RANBP2: variants seen among roughly 807,000 people sequenced by gnomAD.
RANBP2 encodes the protein RAN binding protein 2, also known as E3 SUMO-protein ligase RanBP2.
RANBP2 carries 57 observed loss-of-function variants against 303.6 expected under a neutral mutation model. That is an observed-to-expected ratio of 0.19 (90% CI 0.15 to 0.23). The LOEUF is 0.23. RANBP2 is among the 10% of genes least tolerant of loss of function. The pLI is 1.00. For synonymous variants in RANBP2, 1,167 were observed against 1,301.5 expected, an observed-to-expected ratio of 0.90 and a Z score of 2.23; for missense variants, 3,138 against 3,780.8, an observed-to-expected ratio of 0.83 and a Z score of 4.46.
the RANBP2 span, among the ~76,000 whole-genome samples, chr2:109,658,437 T>TC: frequency 6.7e-6 from 1 of 149,768 alleles, no homozygotes. Context: ...TGAGCAAGAC[T>TC]CCATCTCAAA....
chr2:109,385,787 A>ACT, the RANBP2 span, among the ~76,000 whole-genome samples: 4 of 152,212 alleles, frequency 2.6e-5, no homozygotes, highest in Admixed American at 2.6e-4. Context: ...CAGCCACTGG[A>ACT]CTGAGGTAGG....
the RANBP2 span, chr2:108,910,344 G>A: frequency 2.8e-5 from 23 of 831,550 alleles, no homozygotes; most frequent in East Asian, 1.0e-4. Flanking sequence ...GTCGCCGAAC[G>A]TCCCCATAGT....
the RANBP2 span, among the ~76,000 whole-genome samples, chr2:108,820,027 T>C: frequency 6.6e-6 from 1 of 152,156 alleles, no homozygotes; most frequent in African/African-American, 2.4e-5. Flanking sequence ...ATTCTGGAGC[T>C]GAAAAATACA....
chr2:108,828,985 A>G, the RANBP2 span, among the ~76,000 whole-genome samples: 8 of 151,118 alleles, frequency 5.3e-5, no homozygotes, highest in African/African-American at 2.0e-4. Context: ...CTCAAAAAGA[A>G]AAAAATTTAA....
chr2:108,743,203 T>C (rs1404288003), intron 7 of RANBP2, among the ~76,000 whole-genome samples: 2 of 152,200 alleles, frequency 1.3e-5, no homozygotes, highest in African/African-American at 4.8e-5. Context: ...CACTGTAACG[T>C]TGAACTGGGC....
the RANBP2 span, chr2:109,398,843 C>G: frequency 6.2e-7 from 1 of 1,613,952 alleles, no homozygotes; most frequent in Non-Finnish European, 8.5e-7. Flanking sequence ...CACAGGCATT[C>G]CATGGAAATT....
the RANBP2 span, chr2:109,737,596 A>G: frequency 2.8e-5 from 10 of 363,504 alleles, no homozygotes; most frequent in Non-Finnish European, 4.4e-5. Flanking sequence ...ATATCCAGTG[A>G]TGGGATTGCT....
the RANBP2 span, among the ~76,000 whole-genome samples, chr2:109,046,148 C>CA: frequency 1.3e-5 from 2 of 151,474 alleles, no homozygotes; most frequent in Non-Finnish European, 1.5e-5. Flanking sequence ...ACTAAAAATA[C>CA]AAAAAATTAG....
chr2:109,289,327 G>A, the RANBP2 span, among the ~76,000 whole-genome samples: 1 of 151,500 alleles, frequency 6.6e-6, no homozygotes, highest in Non-Finnish European at 1.5e-5. Flanking sequence ...CACATCCCAT[G>A]CTCCCACACA....
At chr2:109,282,134 C>G in the RANBP2 span, among the ~76,000 whole-genome samples, 1 of 152,062 alleles carries the variant, frequency 6.6e-6, no homozygotes, top group African/African-American at 2.4e-5. Flanking sequence ...TGCTTCCTCC[C>G]TAAGGAGCAG....
At chr2:109,719,024 A>G in the RANBP2 span, among the ~76,000 whole-genome samples, 760 of 138,058 alleles carry the variant, frequency 5.5e-3, 3 homozygotes, top group Admixed American at 9.0e-3. Flanking sequence ...AAAAAAAAAA[A>G]AAAAGAAACA....
chr2:108,826,879 T>C, the RANBP2 span, among the ~76,000 whole-genome samples: 1 of 152,244 alleles, frequency 6.6e-6, no homozygotes, highest in African/African-American at 2.4e-5. Flanking sequence ...ATGAACAAGA[T>C]GTCTTTCCAT....
the RANBP2 span, chr2:109,553,059 G>A: frequency 6.3e-7 from 1 of 1,599,266 alleles, no homozygotes; most frequent in East Asian, 2.2e-5. Flanking sequence ...AAAAATAAAT[G>A]CAAATCACAT....
the RANBP2 span, among the ~76,000 whole-genome samples, chr2:109,551,357 T>C: frequency 6.6e-6 from 1 of 152,262 alleles, no homozygotes; most frequent in Non-Finnish European, 1.5e-5. Context: ...ATCTTTTTAT[T>C]AGTGAATTGG....
the RANBP2 span, among the ~76,000 whole-genome samples, chr2:109,631,756 A>G: frequency 1.4e-5 from 2 of 147,628 alleles, no homozygotes; most frequent in Middle Eastern, 3.5e-3. Context: ...AACTCAGTCT[A>G]AAAAAAAAAG....
At chr2:109,691,254 G>A in the RANBP2 span, among the ~76,000 whole-genome samples, 1 of 152,236 alleles carries the variant, frequency 6.6e-6, no homozygotes, top group African/African-American at 2.4e-5. Context: ...ACTATTGGGA[G>A]AGAAATTTCT....
chr2:109,396,564 G>A, the RANBP2 span, among the ~76,000 whole-genome samples: 2 of 152,152 alleles, frequency 1.3e-5, no homozygotes, highest in Non-Finnish European at 2.9e-5. Flanking sequence ...TGGGTTTTTT[G>A]TTTTTGTTTT....
the RANBP2 span, among the ~76,000 whole-genome samples, chr2:109,566,670 A>T: frequency 1.3e-5 from 2 of 152,082 alleles, no homozygotes; most frequent in South Asian, 4.2e-4. Context: ...GGAGTGAGAG[A>T]TCACTAGGAG....
chr2:109,406,344 G>A, the RANBP2 span, among the ~76,000 whole-genome samples: 1 of 152,126 alleles, frequency 6.6e-6, no homozygotes, highest in Non-Finnish European at 1.5e-5. Context: ...CATAAACCAA[G>A]TATGAAGTCA....
Sources: gnomAD v4.1 joint callset for allele counts (sites outside exome capture counted in the v4.1 genomes callset) on GRCh38, gnomAD v4.1.1 for gene constraint, MANE v1.5 for transcripts, NCBI Gene and HGNC (gene_info 2026-07-23, HGNC 2026-07-21) for gene names.